Variants in NDST2 observed in about 807,000 individuals in gnomAD.
The protein encoded by NDST2 is bifunctional heparan sulfate N-deacetylase/N-sulfotransferase 2.
In NDST2, 32 loss-of-function variants were observed where a neutral mutation model predicts 86.9. The ratio of observed to expected loss-of-function variants is 0.37; its 90% CI spans 0.28 to 0.49. The LOEUF (loss-of-function observed/expected upper bound fraction) is 0.49. Ranked by LOEUF, NDST2 falls within the 20% of genes least tolerant of loss-of-function variation. NDST2 has a pLI of 0.97. For missense variants in NDST2, 950 were observed against 1,146.9 expected (o/e 0.83, Z 2.48); for synonymous variants, 409 against 437.0 (o/e 0.94, Z 0.80).
At position 73,807,816 on chromosome 10, in the gene NDST2, T is replaced by TA. The variant is rs764143617; in HGVS notation, c.572dup (p.Leu191PhefsTer35). The TA allele has an allele frequency of 6.2e-7, 1 of 1,613,870 alleles. No individual in the cohort carries two copies. Among genetic ancestry groups the TA allele is most frequent in the South Asian group, 1.1e-5 (1 of 91,066 alleles). The stretch of plus-strand genomic sequence containing the variant: ...AGTCCCGGAGCCCCAAGTTTGAGTG[T>TA]AAAAAAAGGGGAAAGCCCTTGAGCT... On this transcript the variant is annotated frameshift_variant, in exon 3 of 15. Coordinates refer to ENST00000309979, the MANE Select transcript of NDST2 (RefSeq NM_003635.4). LOFTEE classifies it high-confidence loss of function.
chr10:73,807,317 G>C (rs528266313), intron 3 of NDST2, 67 bp downstream of exon 3: 3 of 1,588,354 alleles, frequency 1.9e-6, no homozygotes, highest in East Asian at 4.5e-5. Context: ...TCAGAATCAA[G>C]GAAGGGAGTC....
chr10:73,803,419 G>A (rs1472825734), intron 11 of NDST2, 60 bp from the exon 12 acceptor site: 5 of 1,596,728 alleles, frequency 3.1e-6, no homozygotes, highest in South Asian at 1.1e-5. Flanking sequence ...CTGCCCTTAC[G>A]CTTGGTCTGG....
chr10:73,806,963 C>T lies in NDST2; in HGVS notation c.1093+145G>A. The T allele has an allele frequency of 6.9e-7, 1 of 1,455,434 alleles. No homozygotes were observed. The highest frequency in any genetic ancestry group is 1.2e-5 in the South Asian group (1 of 81,330). The allele number at this position is 1,455,434 out of a possible 1,614,324, so 90.2% of individuals were successfully genotyped here. The stretch of plus-strand genomic sequence containing the variant: ...CTTGCCATCCAGCCACCCATGCGAA[C>T]CTAAATTCATGCCCACCACTAGCTC... On this transcript the variant is annotated intron_variant, in intron 4 of 14. Transcript: ENST00000309979. This position sits in a 1 kb window ranked among gnomAD's most constrained non-coding sequence, Gnocchi z 4.5.
chr10:73,803,041 G>A lies in NDST2; in HGVS notation c.2354C>T (p.Ala785Val), dbSNP rs1209893403. The change falls in exon 13 of 15, where the codon GCA (alanine) becomes GTA (valine). Residue 785 changes from alanine to valine, a missense_variant. Ala to Val is a moderately conservative substitution (Grantham distance 64, BLOSUM62 0). Transcript: ENST00000309979. ...CTTCTGGATGCTCTCCATTGAGGCT[G>A]CTGGGTTGGTACGCAGCTCTTGCCC... is the stretch of plus-strand genomic sequence containing the variant. Reference protein sequence around the residue: ...VDGQELRTNPAASMESIQKFL... With the variant: ...VDGQELRTNPVASMESIQKFL... The A allele has an allele frequency of 1.2e-6, 2 of 1,614,236 alleles. No individual in the cohort carries two copies. Among genetic ancestry groups the A allele is most frequent in the South Asian group, 1.1e-5 (1 of 91,084 alleles).
chr10:73,804,306 A>AG (rs2084060924), intron 9 of NDST2, among the ~76,000 whole-genome samples: 1 of 152,108 alleles, frequency 6.6e-6, no homozygotes, highest in Non-Finnish European at 1.5e-5. Context: ...TGGATCAATG[A>AG]GGGGTGGGTA....
At position 73,806,507 on chromosome 10, in the gene NDST2, G is replaced by A; in HGVS notation, c.1249-33C>T. 6.4e-7 allele frequency: 1 copy of A among 1,561,916 alleles called. No homozygotes were observed. Among genetic ancestry groups the A allele is most frequent in the Non-Finnish European group, 8.7e-7 (1 of 1,151,828 alleles). On this transcript the variant is annotated intron_variant, in intron 5 of 14. Transcript: ENST00000309979. The surrounding 1 kb of genome is among the most constrained non-coding windows in gnomAD (Gnocchi z 4.5). ...TGGCATAGACTCTCACCAGGACCTG[G>A]TGAGGTTTGGGGAGTAGAGGGTAAA...
At chr10:73,807,049 G>A (rs1187704341) in intron 4 of NDST2, 59 bp downstream of exon 4, 1 of 1,513,518 alleles carries the variant, frequency 6.6e-7, no homozygotes, top group African/African-American at 1.4e-5. Context: ...CCAGGGAGGT[G>A]GACAGTGAAG....
chr10:73,803,954 GGCTAGGGAAGCT>G lies in NDST2; in HGVS notation c.1894_1905del (p.Ser632_Ser635del). On this transcript the variant is annotated inframe_deletion, in exon 10 of 15. Transcript: ENST00000309979. ...AACTGAATCTCCTCAAATGTGCTGG[GGCTAGGGAAGCT>G]GCTAGTTACAGCTGGGTGCAGGCTC... is the stretch of plus-strand genomic sequence containing the variant. 6.2e-7 allele frequency: 1 copy of G among 1,614,118 alleles called. No homozygotes were observed. Among genetic ancestry groups the G allele is most frequent in the Middle Eastern group, 1.6e-4 (1 of 6,062 alleles).
Position 73,802,671 on chromosome 10 carries a change from T to A in NDST2, c.2526+3A>T. ...GGATTCCCCTGCCCCTGGCTTTACT[T>A]ACCTCAGTGTCCATATCTGGATACC... On this transcript the variant is annotated splice_donor_region_variant and intron_variant, in intron 14 of 14. Coordinates refer to ENST00000309979, the MANE Select transcript of NDST2 (RefSeq NM_003635.4). 1 of 1,614,150 alleles carries A rather than the reference T, an allele frequency of 6.2e-7. No homozygotes were observed. The highest frequency in any genetic ancestry group is 1.1e-5 in the South Asian group (1 of 91,090).
At chr10:73,804,312 G>A (rs904575324) in intron 9 of NDST2, among the ~76,000 whole-genome samples, 5 of 152,184 alleles carry the variant, frequency 3.3e-5, no homozygotes, top group Non-Finnish European at 5.9e-5. Context: ...AATGAGGGGT[G>A]GGTATAAAAG....
chr10:73,807,732 T>C lies in NDST2; in HGVS notation c.657A>G (p.Pro219=), dbSNP rs779717950. 2 of 1,614,152 alleles carry C rather than the reference T, an allele frequency of 1.2e-6. No individual in the cohort carries two copies. Among genetic ancestry groups the C allele is most frequent in the East Asian group, 2.2e-5 (1 of 44,886 alleles). The change falls in exon 3 of 15, where the codon CCA becomes CCG. Residue 219 remains proline, a synonymous_variant. Transcript: ENST00000309979. ...TCCAGTCATCACCAGGCAGTGGCCC[T>C]GGTTCTAGGCGGCTGGGGCGTGTGA... is the stretch of plus-strand genomic sequence containing the variant. The part of the protein sequence containing the change: ...LHLTRPSRLE[P]GPLPGDDWTI...
Position 73,805,789 on chromosome 10 carries a change from G to A in NDST2, c.1564-20C>T, listed in dbSNP as rs781405733. ...GCTGATCTGTAAGGGGTACCTGCAT[G>A]TCAGATTTGGAGAGCCTACCCCACC... On this transcript the variant is annotated intron_variant, in intron 7 of 14. Transcript: ENST00000309979. 28 of 1,613,740 alleles carry A rather than the reference G, an allele frequency of 1.7e-5. No individual in the cohort carries two copies. The highest frequency in any genetic ancestry group is 2.1e-5 in the Non-Finnish European group (25 of 1,179,736).
Position 73,808,001 on chromosome 10 carries a change from TATC to T in NDST2, c.385_387del (p.Asp129del). 1 of 1,614,246 alleles carries T rather than the reference TATC, an allele frequency of 6.2e-7. No homozygotes were observed. Among genetic ancestry groups the T allele is most frequent in the Non-Finnish European group, 8.5e-7 (1 of 1,180,040 alleles). ...ACCAAGACATAGCGGCCATGGGTAT[TATC>T]AGTCAATGTGGGCATGTCCCCTCGG... On this transcript the variant is annotated inframe_deletion, in exon 3 of 15. Transcript: ENST00000309979. This position sits in a 1 kb window ranked among gnomAD's most constrained non-coding sequence, Gnocchi z 4.3.
At position 73,810,786 on chromosome 10, in the gene NDST2, A is replaced by G. The variant is rs1212505298; in HGVS notation, c.-342+13T>C. The G allele has an allele frequency of 5.0e-6, 2 of 398,904 alleles. No homozygotes were observed. The highest frequency in any genetic ancestry group is 8.8e-5 in the Admixed American group (2 of 22,724). 24.7% of individuals were successfully genotyped at this position (398,904 alleles called of 1,614,324 possible). A position where few individuals can be genotyped will look rare whatever the true frequency, so the allele number is the denominator to read the frequency against. The stretch of plus-strand genomic sequence containing the variant: ...CCCATTTCACATATGAGTAACTCAG[A>G]GAAGCTTAGAACCTTGCCCAGGATC... On this transcript the variant is annotated intron_variant, in intron 2 of 14. Coordinates refer to ENST00000309979, the MANE Select transcript of NDST2 (RefSeq NM_003635.4).
Position 73,805,515 on chromosome 10 carries a change from AAAC to A in NDST2, c.1746+69_1746+71del, listed in dbSNP as rs201618317. 5.5e-3 allele frequency: 7,956 copies of A among 1,458,778 alleles called. 231 individuals are homozygous for A. In the Admixed American group the frequency reaches 0.081, roughly 15 times the overall value. The allele number at this position is 1,458,778 out of a possible 1,614,324, so 90.4% of individuals were successfully genotyped here. On this transcript the variant is annotated intron_variant, in intron 8 of 14. Coordinates refer to ENST00000309979, the MANE Select transcript of NDST2 (RefSeq NM_003635.4). ...GGTGACAGAGCGAGATTCTGTCTCA[AAAC>A]AACAACAACAACAACAAAAAACACC... is the stretch of plus-strand genomic sequence containing the variant.
At chr10:73,807,025 T>G in intron 4 of NDST2, 83 bp downstream of exon 4, 1 of 1,484,930 alleles carries the variant, frequency 6.7e-7, no homozygotes, top group Non-Finnish European at 9.4e-7. Flanking sequence ...GACCCTTTTC[T>G]TCAACTTGTC....
In NDST2 at chr10:73,802,337, C is replaced by T; in HGVS notation, c.*114G>A. On this transcript the variant is annotated 3_prime_UTR_variant, in exon 15 of 15. Transcript: ENST00000309979. Reference sequence around the variant, plus strand: ...TTCTCAGCCATCTCAGGCCTGGGGGCTACTGAGGTAGAGGGGGAGGGGCCA... The same window carrying T: ...TTCTCAGCCATCTCAGGCCTGGGGGTTACTGAGGTAGAGGGGGAGGGGCCA... 8.8e-7 allele frequency: 1 copy of T among 1,142,624 alleles called. No homozygotes were observed. The highest frequency in any genetic ancestry group is 1.4e-5 in the South Asian group (1 of 69,992). The allele number at this position is 1,142,624 out of a possible 1,614,324, so 70.8% of individuals were successfully genotyped here.
Position 73,808,400 on chromosome 10 carries a change from G to A in NDST2, c.-12C>T. 1 of 1,576,498 alleles carries A rather than the reference G, an allele frequency of 6.3e-7. No homozygotes were observed. Among genetic ancestry groups the A allele is most frequent in the Admixed American group, 1.8e-5 (1 of 55,760 alleles). ...CACAACTGGAGCATGGCGGGGGGAG[G>A]AAGGGAGGGAGGAATGGGGACCACC... On this transcript the variant is annotated 5_prime_UTR_variant, in exon 3 of 15. Transcript: ENST00000309979. This position sits in a 1 kb window ranked among gnomAD's most constrained non-coding sequence, Gnocchi z 4.3.
chr10:73,806,728 T>C lies in NDST2; in HGVS notation c.1177A>G (p.Met393Val). The C allele has an allele frequency of 1.2e-6, 2 of 1,614,148 alleles. No homozygotes were observed. The highest frequency in any genetic ancestry group is 1.1e-5 in the South Asian group (1 of 91,078). ...FWWFPHMWSHMQPHLFHNRSV... is the reference protein window; with the variant it reads ...FWWFPHMWSHVQPHLFHNRSV... ...CGATTGTGGAACAGGTGTGGCTGCA[T>C]GTGGCTCCACATGTGGGGGAACCAC... is the stretch of plus-strand genomic sequence containing the variant. The change falls in exon 5 of 15, where the codon ATG becomes GTG. Residue 393 changes from methionine to valine, a missense_variant. Coordinates refer to ENST00000309979, the MANE Select transcript of NDST2 (RefSeq NM_003635.4). The surrounding 1 kb of genome is among the most constrained non-coding windows in gnomAD (Gnocchi z 4.5).
Sources: gnomAD v4.1 joint callset for allele counts (sites outside exome capture counted in the v4.1 genomes callset) on GRCh38, gnomAD v4.1.1 for gene constraint, Gnocchi (gnomAD v3.1) non-coding constraint, MANE v1.5 for transcripts, NCBI Gene and HGNC (gene_info 2026-07-23, HGNC 2026-07-21) for gene names.